Variants in SPMAP2L observed in about 807,000 individuals in gnomAD.
SPMAP2L encodes sperm microtubule associated protein 2 like, also known as sperm microtubule associated protein 2-like.
chr4:56,542,857 A>G, the SPMAP2L span, among the ~76,000 whole-genome samples: 1 of 152,132 alleles, frequency 6.6e-6, no homozygotes, highest in Admixed American at 6.5e-5. Context: ...TGGTTTCAAC[A>G]ACCAGTCTTG....
the SPMAP2L span, among the ~76,000 whole-genome samples, chr4:56,534,853 T>G: frequency 6.6e-6 from 1 of 152,134 alleles, no homozygotes; most frequent in African/African-American, 2.4e-5. Context: ...CGCTTGAACC[T>G]GGGAGGTGGA....
the SPMAP2L span, among the ~76,000 whole-genome samples, chr4:56,560,900 C>A: frequency 6.6e-6 from 1 of 152,056 alleles, no homozygotes; most frequent in African/African-American, 2.4e-5. Context: ...TGTGAGCCAC[C>A]ATGTCTGGCT....
the SPMAP2L span, among the ~76,000 whole-genome samples, chr4:56,613,070 T>C: frequency 1.3e-5 from 2 of 152,072 alleles, no homozygotes; most frequent in African/African-American, 4.8e-5. Context: ...TGTTCTCCCT[T>C]ATATAACTCT....
At chr4:56,537,167 A>T in the SPMAP2L span, among the ~76,000 whole-genome samples, 6 of 152,218 alleles carry the variant, frequency 3.9e-5, no homozygotes, top group South Asian at 1.2e-3. Flanking sequence ...CTAGTTTAGC[A>T]TCCACCTGAC....
chr4:56,573,835 C>T, the SPMAP2L span, among the ~76,000 whole-genome samples: 65 of 151,404 alleles, frequency 4.3e-4, no homozygotes, highest in East Asian at 6.8e-3. Flanking sequence ...ACTGGGTGGT[C>T]GCGAGCAAGG....
chr4:56,584,792 A>G, the SPMAP2L span, among the ~76,000 whole-genome samples: 4 of 152,206 alleles, frequency 2.6e-5, no homozygotes, highest in Non-Finnish European at 5.9e-5. Flanking sequence ...AAGCAGAACC[A>G]CTATGGATGA....
the SPMAP2L span, among the ~76,000 whole-genome samples, chr4:56,534,725 G>A: frequency 3.2e-4 from 48 of 152,120 alleles, no homozygotes; most frequent in Middle Eastern, 3.2e-3. Flanking sequence ...TCAGGGGTTC[G>A]AGACCAGCCT....
At chr4:56,601,251 T>G in the SPMAP2L span, 1 of 883,398 alleles carries the variant, frequency 1.1e-6, no homozygotes, top group Non-Finnish European at 1.7e-6. Flanking sequence ...GAATTACATT[T>G]ATTGTGATAC....
At chr4:56,582,557 CA>C in the SPMAP2L span, among the ~76,000 whole-genome samples, 1,755 of 151,380 alleles carry the variant, frequency 0.012, 40 homozygotes, top group African/African-American at 0.039. Context: ...AATAAATCAA[CA>C]AAAAAAACAG....
the SPMAP2L span, among the ~76,000 whole-genome samples, chr4:56,553,180 C>CTTT: frequency 3.3e-5 from 1 of 29,990 alleles, no homozygotes; most frequent in Non-Finnish European, 5.7e-5. Context: ...TCTCCTATTG[C>CTTT]TTTTTTTTTT....
the SPMAP2L span, among the ~76,000 whole-genome samples, chr4:56,546,683 A>G: frequency 6.6e-6 from 1 of 152,252 alleles, no homozygotes; most frequent in African/African-American, 2.4e-5. Context: ...TGAAAGAGCA[A>G]TAGCAAAGAG....
At chr4:56,552,515 A>T in the SPMAP2L span, 1 of 1,184,858 alleles carries the variant, frequency 8.4e-7, no homozygotes, top group Non-Finnish European at 1.2e-6. Flanking sequence ...TTTCTTAAGC[A>T]TTCTCTTTGA....
At chr4:56,536,628 A>G in the SPMAP2L span, among the ~76,000 whole-genome samples, 166 of 152,308 alleles carry the variant, frequency 1.1e-3, 3 homozygotes, top group African/African-American at 3.8e-3. Context: ...ACCAAATCCA[A>G]TGGTTTCTTC....
At chr4:56,611,108 A>G in the SPMAP2L span, among the ~76,000 whole-genome samples, 10 of 152,342 alleles carry the variant, frequency 6.6e-5, no homozygotes, top group East Asian at 1.7e-3. Flanking sequence ...TACCCAGAGG[A>G]AAAGAAGTCA....
the SPMAP2L span, among the ~76,000 whole-genome samples, chr4:56,540,467 C>T: frequency 2.0e-5 from 3 of 151,996 alleles, no homozygotes; most frequent in Admixed American, 1.3e-4. Context: ...CGCTTGAACC[C>T]GGTAGGCAGA....
At chr4:56,567,272 T>C in the SPMAP2L span, among the ~76,000 whole-genome samples, 1 of 148,170 alleles carries the variant, frequency 6.7e-6, no homozygotes, top group Non-Finnish European at 1.5e-5. Context: ...TTTAATAATA[T>C]TTTTTTTTAA....
the SPMAP2L span, among the ~76,000 whole-genome samples, chr4:56,586,423 T>G: frequency 1.3e-5 from 2 of 152,150 alleles, no homozygotes; most frequent in African/African-American, 4.8e-5. Flanking sequence ...ACACTAATCC[T>G]ATTATGGGGG....
At chr4:56,553,893 A>G in the SPMAP2L span, among the ~76,000 whole-genome samples, 2 of 151,950 alleles carry the variant, frequency 1.3e-5, no homozygotes, top group African/African-American at 4.8e-5. Context: ...TACTGTCTCT[A>G]TAGTTTTGTC....
the SPMAP2L span, among the ~76,000 whole-genome samples, chr4:56,537,886 G>A: frequency 6.6e-6 from 1 of 151,922 alleles, no homozygotes; most frequent in Non-Finnish European, 1.5e-5. Context: ...GTAGAGACGG[G>A]GTTTCACCAT....
Sources: gnomAD v4.1 joint callset for allele counts (sites outside exome capture counted in the v4.1 genomes callset) on GRCh38, gnomAD v4.1.1 for gene constraint, MANE v1.5 for transcripts, NCBI Gene and HGNC (gene_info 2026-07-23, HGNC 2026-07-21) for gene names.